The following SORCS3 variants were observed in gnomAD, a reference collection of about 807,000 sequenced individuals.
SORCS3 encodes VPS10 domain-containing receptor SorCS3.
SORCS3 carries 57 observed loss-of-function variants against 146.3 expected under a neutral mutation model. That is an observed-to-expected ratio of 0.39 (90% CI 0.31 to 0.49). The LOEUF is 0.49. Ranked by LOEUF, SORCS3 falls within the 20% of genes least tolerant of loss-of-function variation. The pLI is 0.92. For missense variants in SORCS3, 1,341 were observed against 1,575.5 expected, an observed-to-expected ratio of 0.85 and a Z score of 2.52; for synonymous variants, 653 against 618.5, an observed-to-expected ratio of 1.06 and a Z score of -0.83.
chr10:105,186,744 C>T (rs1004795670), intron 14 of SORCS3, among the ~76,000 whole-genome samples: 2 of 151,750 alleles, frequency 1.3e-5, no homozygotes, highest in African/African-American at 4.8e-5. Flanking sequence ...ATTAGCTGGG[C>T]GTAGTGGTGG....
chr10:105,185,277 T>C (rs564273149), intron 14 of SORCS3, among the ~76,000 whole-genome samples: 5 of 152,230 alleles, frequency 3.3e-5, no homozygotes, highest in Non-Finnish European at 5.9e-5. Flanking sequence ...GGGCTCACAG[T>C]GACTCACAGG....
At chr10:104,897,090 A>C (rs1156366087) in intron 2 of SORCS3, among the ~76,000 whole-genome samples, 1 of 152,166 alleles carries the variant, frequency 6.6e-6, no homozygotes, top group African/African-American at 2.4e-5. Flanking sequence ...CAGTTCATTT[A>C]ATGTGCAAAA....
In SORCS3 at chr10:105,089,821, G is replaced by C; in HGVS notation, c.1075G>C (p.Val359Leu). The change falls in exon 6 of 27, where the codon GTG becomes CTG. Residue 359 changes from valine to leucine, a missense_variant. Physicochemically the swap from Val to Leu is conservative, Grantham distance 32 (BLOSUM62 1). Coordinates refer to ENST00000369701, the MANE Select transcript of SORCS3 (RefSeq NM_014978.3). ...GGAGGCGGACCTGGTGCACATGGAG[G>C]TGCGGACCACGGATGGATGTGAGTT... Reference protein sequence around the residue: ...DKEADLVHMEVRTTDGYAHYL... With the variant: ...DKEADLVHMELRTTDGYAHYL... 2 of 1,614,082 alleles carry C rather than the reference G, an allele frequency of 1.2e-6. No homozygotes were observed. The highest frequency in any genetic ancestry group is 1.7e-6 in the Non-Finnish European group (2 of 1,179,958).
intron 25 of SORCS3, among the ~76,000 whole-genome samples, chr10:105,258,622 GA>G (rs1372405322): frequency 6.6e-6 from 1 of 151,112 alleles, no homozygotes; most frequent in Non-Finnish European, 1.5e-5. Context: ...CTGTGACTTG[GA>G]AAACTTCTTT....
chr10:105,156,866 A>G (rs1040481207), intron 9 of SORCS3, among the ~76,000 whole-genome samples: 2 of 152,206 alleles, frequency 1.3e-5, no homozygotes, highest in Non-Finnish European at 2.9e-5. Context: ...GTAAAGTCCT[A>G]TGGAACAAAG....
At chr10:105,088,153 G>A (rs1300277030) in intron 5 of SORCS3, among the ~76,000 whole-genome samples, 2 of 152,176 alleles carry the variant, frequency 1.3e-5, no homozygotes, top group East Asian at 1.9e-4. Context: ...TCTTCCTGCT[G>A]GAAGTCAGGA....
chr10:104,867,044 T>G (rs1267757548), intron 2 of SORCS3, among the ~76,000 whole-genome samples: 1 of 152,112 alleles, frequency 6.6e-6, no homozygotes, highest in African/African-American at 2.4e-5. Flanking sequence ...AACTAGGGAT[T>G]CCTGGGGTGG....
At chr10:104,802,850 C>G (rs1226950344) in intron 1 of SORCS3, among the ~76,000 whole-genome samples, 1 of 152,188 alleles carries the variant, frequency 6.6e-6, no homozygotes, top group Non-Finnish European at 1.5e-5. Flanking sequence ...TCCTATGGCC[C>G]TGATTAGTTT....
intron 2 of SORCS3, among the ~76,000 whole-genome samples, chr10:104,871,673 A>G (rs2018520417): frequency 6.6e-6 from 1 of 152,118 alleles, no homozygotes; most frequent in Non-Finnish European, 1.5e-5. Context: ...TGAATCCTTG[A>G]TCCATTTTTA....
chr10:105,105,557 T>C, intron 7 of SORCS3, 42 bp downstream of exon 7: 1 of 1,408,572 alleles, frequency 7.1e-7, no homozygotes. Flanking sequence ...GGATGCATCG[T>C]TGAAGTTGGC....
chr10:104,857,861 G>A (rs185931688), intron 2 of SORCS3, among the ~76,000 whole-genome samples: 6 of 152,320 alleles, frequency 3.9e-5, no homozygotes, highest in Admixed American at 1.3e-4. Context: ...AGAAAGTGAC[G>A]TGACTTCTTA....
chr10:104,710,933 G>C (rs1205277317), intron 1 of SORCS3, among the ~76,000 whole-genome samples: 1 of 152,164 alleles, frequency 6.6e-6, no homozygotes, highest in East Asian at 1.9e-4. Context: ...TTTGTGAGTA[G>C]ATGGAACAAA....
chr10:105,244,168 T>C (rs1010776468), intron 20 of SORCS3, among the ~76,000 whole-genome samples: 4 of 152,118 alleles, frequency 2.6e-5, no homozygotes, highest in African/African-American at 7.2e-5. Context: ...GGGCACTGAC[T>C]TTAAGATGCC....
intron 2 of SORCS3, among the ~76,000 whole-genome samples, chr10:104,855,889 C>A (rs1335281177): frequency 6.6e-6 from 1 of 152,116 alleles, no homozygotes; most frequent in Non-Finnish European, 1.5e-5. Context: ...GCATGTGCCA[C>A]CATACCTGGC....
chr10:104,964,329 A>G (rs530208067), intron 3 of SORCS3, among the ~76,000 whole-genome samples: 1 of 152,078 alleles, frequency 6.6e-6, no homozygotes, highest in Non-Finnish European at 1.5e-5. Context: ...TGCAAATGCT[A>G]CTTTCCCAAT....
Position 104,799,208 on chromosome 10 carries a change from G to A in SORCS3, c.628-43584G>A, listed in dbSNP as rs147804206. 4.3e-3 allele frequency among the ~76,000 whole-genome samples: 660 copies of A among 152,248 alleles called. 5 individuals carry two copies. The highest frequency in any genetic ancestry group is 0.015 in the African/African-American group (606 of 41,544). On this transcript the variant is annotated intron_variant, in intron 1 of 26. Coordinates refer to ENST00000369701, the MANE Select transcript of SORCS3 (RefSeq NM_014978.3). The stretch of plus-strand genomic sequence containing the variant: ...CCCATTACTGGGCATATACCCAAAG[G>A]ATTATAAATCATTCTACAATAAAGA...
intron 4 of SORCS3, among the ~76,000 whole-genome samples, chr10:104,997,240 A>C (rs7074885): frequency 6.6e-6 from 1 of 152,258 alleles, no homozygotes; most frequent in East Asian, 1.9e-4. Context: ...CACAGTTCAC[A>C]TGGAAGTTGG....
chr10:104,739,754 A>G (rs2016818879), intron 1 of SORCS3, among the ~76,000 whole-genome samples: 1 of 152,210 alleles, frequency 6.6e-6, no homozygotes, highest in Non-Finnish European at 1.5e-5. Context: ...GGCAAGTGAA[A>G]TCACACGTGT....
chr10:104,920,337 T>G (rs1014291494), intron 3 of SORCS3, among the ~76,000 whole-genome samples: 3 of 152,234 alleles, frequency 2.0e-5, no homozygotes, highest in African/African-American at 7.2e-5. Flanking sequence ...TGTTGATTTT[T>G]TAAACAATTT....
Sources: gnomAD v4.1 joint callset for allele counts (sites outside exome capture counted in the v4.1 genomes callset) on GRCh38, gnomAD v4.1.1 for gene constraint, MANE v1.5 for transcripts, NCBI Gene and HGNC (gene_info 2026-07-23, HGNC 2026-07-21) for gene names.